The following STAM variants were observed in gnomAD, a reference collection of about 807,000 sequenced individuals.
STAM encodes signal transducing adapter molecule 1.
STAM carries 16 observed loss-of-function variants against 63.4 expected under a neutral mutation model. The observed-to-expected ratio is 0.25, with a 90% CI of 0.17 to 0.38. The LOEUF is 0.38. STAM is among the 10% of genes least tolerant of loss of function. STAM has a pLI of 1.00. For synonymous variants in STAM, 238 were observed against 223.9 expected (o/e 1.06, Z -0.56); for missense variants, 636 against 657.1 (o/e 0.97, Z 0.35).
chr10:17,690,024 T>C (rs1028929331), intron 5 of STAM, among the ~76,000 whole-genome samples: 15 of 152,352 alleles, frequency 9.8e-5, no homozygotes, highest in Admixed American at 3.9e-4. Flanking sequence ...CCTTGTTTGG[T>C]TAATCTAGAA....
At position 17,654,513 on chromosome 10, in the gene STAM, C is replaced by T. The variant is rs114024713; in HGVS notation, c.41-5951C>T. 5.3e-3 allele frequency among the ~76,000 whole-genome samples: 808 copies of T among 152,170 alleles called. 13 individuals carry two copies. The highest frequency in any genetic ancestry group is 0.019 in the African/African-American group (781 of 41,512). ...CTGGGATTACAGGCGTGGGTCACCG[C>T]GCCCGGCTAAACCAGGTATTATTTA... On this transcript the variant is annotated intron_variant, in intron 1 of 13. Coordinates refer to ENST00000377524, the MANE Select transcript of STAM (RefSeq NM_003473.4).
chr10:17,673,992 A>G (rs1429106095), intron 2 of STAM, among the ~76,000 whole-genome samples: 2 of 151,422 alleles, frequency 1.3e-5, no homozygotes, highest in Non-Finnish European at 2.9e-5. Flanking sequence ...TTGACTAAGA[A>G]CAGCAGGGCG....
intron 1 of STAM, among the ~76,000 whole-genome samples, chr10:17,649,501 T>C (rs970630850): frequency 1.3e-5 from 2 of 152,196 alleles, no homozygotes; most frequent in Admixed American, 1.3e-4. Flanking sequence ...CATTAATTGA[T>C]TGATTATCTT....
At position 17,704,442 on chromosome 10, in the gene STAM, C is replaced by G. The variant is rs782802702; in HGVS notation, c.924C>G (p.Asp308Glu). The G allele has an allele frequency of 6.2e-7, 1 of 1,613,668 alleles. No homozygotes were observed. Among genetic ancestry groups the G allele is most frequent in the Non-Finnish European group, 8.5e-7 (1 of 1,179,740 alleles). Residue 308 changes from aspartate (D) to glutamate (E), a missense_variant, in exon 10 of 14, where the codon GAC becomes GAG. Coordinates refer to ENST00000377524, the MANE Select transcript of STAM (RefSeq NM_003473.4). Reference sequence around the variant, plus strand: ...CTTAATTCCTGTAGGATAAAATGGACCAGTTGCTACAGATGCTGCAAAGTA... The same window carrying G: ...CTTAATTCCTGTAGGATAAAATGGAGCAGTTGCTACAGATGCTGCAAAGTA... ...EPAFIDEDKM[D>E]QLLQMLQSTD...
At chr10:17,692,207 C>T (rs11813888) in intron 5 of STAM, among the ~76,000 whole-genome samples, 82 of 152,258 alleles carry the variant, frequency 5.4e-4, no homozygotes, top group African/African-American at 1.9e-3. Context: ...GAACTCATGT[C>T]TGTCTGACTC....
At chr10:17,701,907 T>C (rs1275870081) in intron 9 of STAM, among the ~76,000 whole-genome samples, 7 of 152,186 alleles carry the variant, frequency 4.6e-5, no homozygotes, top group African/African-American at 1.7e-4. Flanking sequence ...ACAGCTGAGA[T>C]GGTTCCATAT....
chr10:17,673,822 A>G (rs1834738863), intron 2 of STAM, among the ~76,000 whole-genome samples: 2 of 152,250 alleles, frequency 1.3e-5, no homozygotes, highest in East Asian at 1.9e-4. Flanking sequence ...AGCGTTAACT[A>G]TTAGTGTTAC....
chr10:17,716,345 G>A lies in STAM; in HGVS notation c.*1565G>A, dbSNP rs1398253638. Among the ~76,000 whole-genome samples the A allele has an allele frequency of 1.9e-4, 28 of 151,150 alleles. No homozygotes were observed. The highest frequency in any genetic ancestry group is 1.8e-3 in the Admixed American group (28 of 15,148). On this transcript the variant is annotated 3_prime_UTR_variant, in exon 14 of 14. Coordinates refer to ENST00000377524, the MANE Select transcript of STAM (RefSeq NM_003473.4). ...CTAATTTCACAGACTCAGATTTAAA[G>A]CACCGTAGTTTTAAATCTGAGCCTG...
intron 2 of STAM, among the ~76,000 whole-genome samples, chr10:17,683,953 T>C (rs1268814990): frequency 6.6e-6 from 1 of 152,238 alleles, no homozygotes; most frequent in Non-Finnish European, 1.5e-5. Flanking sequence ...CTGTGGCTTA[T>C]GTTGTTAGGC....
chr10:17,697,135 G>T (rs61842344), intron 8 of STAM, among the ~76,000 whole-genome samples: 2,916 of 152,184 alleles, frequency 0.019, 30 homozygotes, highest in Middle Eastern at 0.027. Context: ...CACCATGTTG[G>T]CCAGGCTGGT....
intron 2 of STAM, among the ~76,000 whole-genome samples, chr10:17,671,712 A>G (rs998788689): frequency 1.3e-5 from 2 of 152,182 alleles, no homozygotes; most frequent in Non-Finnish European, 2.9e-5. Context: ...CCATGCAAAC[A>G]TATTTGTTAA....
At chr10:17,644,439 C>G in intron 1 of STAM, 60 bp downstream of exon 1, 1 of 1,602,276 alleles carries the variant, frequency 6.2e-7, no homozygotes, top group South Asian at 1.1e-5. Context: ...ACTCTGCCAG[C>G]CCCTGCCTGC....
At chr10:17,680,513 C>T (rs1554825213) in intron 2 of STAM, among the ~76,000 whole-genome samples, 1 of 151,774 alleles carries the variant, frequency 6.6e-6, no homozygotes, top group Admixed American at 6.6e-5. Context: ...GCAAGTGATC[C>T]TTCCACCTCA....
At chr10:17,653,508 A>C (rs1554821777) in intron 1 of STAM, among the ~76,000 whole-genome samples, 1 of 152,154 alleles carries the variant, frequency 6.6e-6, no homozygotes, top group African/African-American at 2.4e-5. Flanking sequence ...CAGAAGCTTT[A>C]TGTTTGGAAC....
intron 2 of STAM, among the ~76,000 whole-genome samples, chr10:17,668,429 T>C (rs1834487716): frequency 6.6e-6 from 1 of 152,236 alleles, no homozygotes; most frequent in African/African-American, 2.4e-5. Context: ...TGAACCAATA[T>C]TGATACATTA....
chr10:17,709,363 A>G (rs1242981417), intron 13 of STAM, among the ~76,000 whole-genome samples: 1 of 152,176 alleles, frequency 6.6e-6, no homozygotes, highest in Non-Finnish European at 1.5e-5. Context: ...TCTCTTTAAG[A>G]CAAATATTTT....
rs1836158421 is a variant in STAM at position 17,704,418 on chromosome 10, T to G, written c.913-13T>G. 1 of 1,611,274 alleles carries G rather than the reference T, an allele frequency of 6.2e-7. No homozygotes were observed. The highest frequency in any genetic ancestry group is 1.3e-5 in the African/African-American group (1 of 74,860). ...GTTGGTAGCTTTTTATATTAACTAC[T>G]TAATTCCTGTAGGATAAAATGGACC... On this transcript the variant is annotated splice_polypyrimidine_tract_variant and intron_variant, in intron 9 of 13. Coordinates refer to ENST00000377524, the MANE Select transcript of STAM (RefSeq NM_003473.4).
In STAM at chr10:17,706,626, G is replaced by A. The variant is rs953707535; in HGVS notation, c.1209+885G>A. Among the ~76,000 whole-genome samples the A allele has an allele frequency of 6.6e-5, 10 of 151,910 alleles. No homozygotes were observed. In the East Asian group the frequency reaches 7.7e-4, roughly 12 times the overall value. On this transcript the variant is annotated intron_variant, in intron 12 of 13. Transcript: ENST00000377524. ...GATCTCCTGACCTCGTGATCCACCC[G>A]CCTCGGCCTCCCAAAGTGCTGGGAT...
chr10:17,655,547 A>G (rs1342629885), intron 1 of STAM, among the ~76,000 whole-genome samples: 1 of 152,214 alleles, frequency 6.6e-6, no homozygotes, highest in Admixed American at 6.5e-5. Flanking sequence ...ATACACCTGT[A>G]AAATATTTGG....
Sources: gnomAD v4.1 joint callset for allele counts (sites outside exome capture counted in the v4.1 genomes callset) on GRCh38, gnomAD v4.1.1 for gene constraint, MANE v1.5 for transcripts, NCBI Gene and HGNC (gene_info 2026-07-23, HGNC 2026-07-21) for gene names.